Variants in VAV2 observed in about 807,000 individuals in gnomAD.
VAV2 encodes guanine nucleotide exchange factor VAV2.
VAV2 carries 67 observed loss-of-function variants against 132.5 expected under a neutral mutation model. That is an observed-to-expected ratio of 0.51 (90% CI 0.42 to 0.62). VAV2 has a LOEUF of 0.62. VAV2 is among the 20% of genes least tolerant of loss of function. The pLI, the probability that VAV2 is intolerant of heterozygous loss-of-function variation, is 0.00. For synonymous variants in VAV2, 492 were observed against 443.5 expected, an observed-to-expected ratio of 1.11 and a Z score of -1.37; for missense variants, 938 against 1,153.6, an observed-to-expected ratio of 0.81 and a Z score of 2.71.
At chr9:133,922,515 G>A (rs1840332886) in intron 2 of VAV2, among the ~76,000 whole-genome samples, 1 of 152,212 alleles carries the variant, frequency 6.6e-6, no homozygotes. Context: ...CAACCCGCAG[G>A]CTGTATATTA....
At chr9:133,837,302 G>C (rs1253830055) in intron 3 of VAV2, among the ~76,000 whole-genome samples, 2 of 152,186 alleles carry the variant, frequency 1.3e-5, no homozygotes, top group South Asian at 4.1e-4. Context: ...CTGATGCCTC[G>C]TTAGGGCCTA....
intron 1 of VAV2, among the ~76,000 whole-genome samples, chr9:133,983,012 A>C (rs1335182468): frequency 6.6e-6 from 1 of 152,168 alleles, no homozygotes; most frequent in East Asian, 1.9e-4. Context: ...ATCTGCCGCC[A>C]CCTGCTCTAG....
intron 2 of VAV2, among the ~76,000 whole-genome samples, chr9:133,911,310 G>T (rs551976194): frequency 1.3e-5 from 2 of 152,224 alleles, no homozygotes; most frequent in Admixed American, 1.3e-4. Context: ...GAAACGCCGT[G>T]TCTGTGCTGC....
intron 4 of VAV2, among the ~76,000 whole-genome samples, chr9:133,825,097 G>T (rs1176425084): frequency 6.6e-6 from 1 of 151,652 alleles, no homozygotes; most frequent in East Asian, 1.9e-4. Context: ...AGTCTTAAAG[G>T]GTCTGTTGTG....
At chr9:133,784,617 A>G (rs1834145888) in intron 17 of VAV2, among the ~76,000 whole-genome samples, 199 bp from the exon 18 acceptor site, 1 of 152,210 alleles carries the variant, frequency 6.6e-6, no homozygotes, top group African/African-American at 2.4e-5. Context: ...CAGGTCAGAG[A>G]AGAAGCTTTA....
At chr9:133,931,970 G>T (rs910556056) in intron 2 of VAV2, among the ~76,000 whole-genome samples, 6 of 152,162 alleles carry the variant, frequency 3.9e-5, no homozygotes, top group Admixed American at 1.3e-4. Flanking sequence ...CGCTGCCGGG[G>T]TGCCTTCCTT....
At chr9:133,972,951 T>C (rs1254643773) in intron 1 of VAV2, among the ~76,000 whole-genome samples, 1 of 152,108 alleles carries the variant, frequency 6.6e-6, no homozygotes. Context: ...AAGCTCCCCA[T>C]CACCACTTTG....
At chr9:133,946,446 C>T (rs1180392230) in intron 1 of VAV2, among the ~76,000 whole-genome samples, 1 of 152,260 alleles carries the variant, frequency 6.6e-6, no homozygotes, top group African/African-American at 2.4e-5. Context: ...TTTCAAGCCT[C>T]TGGGTCTTTC....
rs189828628 is a variant in VAV2 at position 133,872,417 on chromosome 9, G to A, written c.322-10985C>T. ...AGGCTAGAGGAAAAGGGCTGATGGC[G>A]TCCTCACTCCGCGCACCGTCTTTTC... On this transcript the variant is annotated intron_variant, in intron 2 of 29. Coordinates refer to ENST00000371850, the MANE Select transcript of VAV2 (RefSeq NM_001134398.2). Among the ~76,000 whole-genome samples the A allele has an allele frequency of 2.4e-3, 359 of 152,312 alleles. 1 individual carries two copies. Among genetic ancestry groups the A allele is most frequent in the Non-Finnish European group, 4.0e-3 (272 of 68,028 alleles).
intron 22 of VAV2, among the ~76,000 whole-genome samples, chr9:133,778,167 TGGGGATGAACGCCCACAAAGGTCCC>T (rs1260118588): frequency 6.6e-6 from 1 of 151,456 alleles, no homozygotes; most frequent in African/African-American, 2.4e-5. Flanking sequence ...CTGCTGAAGG[TGGGGATGAACGCCCACAAAGGTCCC>T]CGGGATGAAC....
intron 7 of VAV2, among the ~76,000 whole-genome samples, chr9:133,807,659 G>C (rs891226989): frequency 3.9e-5 from 6 of 152,216 alleles, no homozygotes; most frequent in Admixed American, 3.3e-4. Context: ...AGACCCAGGA[G>C]GCAGGGCCAT....
chr9:133,770,276 C>T (rs1232664484), intron 27 of VAV2, 102 bp downstream of exon 27: 2 of 1,550,114 alleles, frequency 1.3e-6, no homozygotes, highest in Non-Finnish European at 1.7e-6. Context: ...CAGGGTGGGA[C>T]TCCTGGTCTG....
chr9:133,778,900 T>C lies in VAV2; in HGVS notation c.1763-11A>G, dbSNP rs375908991. 27 of 1,611,312 alleles carry C rather than the reference T, an allele frequency of 1.7e-5. No individual in the cohort carries two copies. Among genetic ancestry groups the C allele is most frequent in the Middle Eastern group, 1.6e-4 (1 of 6,082 alleles). On this transcript the variant is annotated splice_polypyrimidine_tract_variant and intron_variant, in intron 21 of 29. Transcript: ENST00000371850. ...CCACCATCTTGGGACCTGCAAAGGATAGGACAGCTCACTCAGTGACTCAGC... is the reference window on the plus strand; with the variant it reads ...CCACCATCTTGGGACCTGCAAAGGACAGGACAGCTCACTCAGTGACTCAGC...
rs74595790 is a variant in VAV2, at chr9:133,790,740, T to G, written c.1188+1043A>C. On this transcript the variant is annotated intron_variant, in intron 13 of 29. Coordinates refer to ENST00000371850, the MANE Select transcript of VAV2 (RefSeq NM_001134398.2). ...TAATGCCCTTCAGAAGCTTATTTTT[T>G]TTTTCTTTCATCGCCGACGTATCGC... is the stretch of plus-strand genomic sequence containing the variant. Among the ~76,000 whole-genome samples the G allele has an allele frequency of 8.5e-4, 129 of 152,236 alleles. 3 individuals carry two copies. The East Asian group carries it at 0.023, about 27-fold the overall frequency.
At chr9:133,989,896 C>T (rs1336199289) in intron 1 of VAV2, among the ~76,000 whole-genome samples, 1 of 152,262 alleles carries the variant, frequency 6.6e-6, no homozygotes, top group African/African-American at 2.4e-5. Context: ...AGGTGGCCCA[C>T]CCTCCACGGG....
intron 1 of VAV2, among the ~76,000 whole-genome samples, chr9:133,987,759 GC>G (rs1205122225): frequency 6.6e-6 from 1 of 152,246 alleles, no homozygotes; most frequent in African/African-American, 2.4e-5. Context: ...AACCGAAGCT[GC>G]TCCAGACACA....
intron 2 of VAV2, among the ~76,000 whole-genome samples, chr9:133,905,414 T>C (rs1310381940): frequency 6.4e-5 from 8 of 124,788 alleles, no homozygotes; most frequent in Non-Finnish European, 1.1e-4. Flanking sequence ...CCAGCCTGGG[T>C]GACAGAGTGA....
Position 133,969,764 on chromosome 9 carries a change from T to C in VAV2, c.204+22311A>G, listed in dbSNP as rs975187311. Among the ~76,000 whole-genome samples the C allele has an allele frequency of 6.6e-6, 1 of 151,940 alleles. No homozygotes were observed. Among genetic ancestry groups the C allele is most frequent in the African/African-American group, 2.4e-5 (1 of 41,396 alleles). On this transcript the variant is annotated intron_variant, in intron 1 of 29. Coordinates refer to ENST00000371850, the MANE Select transcript of VAV2 (RefSeq NM_001134398.2). The surrounding 1 kb of genome is among the most constrained non-coding windows in gnomAD (Gnocchi z 5.1). The stretch of plus-strand genomic sequence containing the variant: ...CAGCGGGGCCGTCCATCTCTCTCCA[T>C]TCCCACTTCTCTCCCCACCCCCCAG...
chr9:133,887,364 G>C (rs562440051), intron 2 of VAV2, among the ~76,000 whole-genome samples: 53 of 152,264 alleles, frequency 3.5e-4, no homozygotes, highest in African/African-American at 1.2e-3. Flanking sequence ...GGGAGCGCAT[G>C]CCCCAGCAGA....
Sources: gnomAD v4.1 joint callset for allele counts (sites outside exome capture counted in the v4.1 genomes callset) on GRCh38, gnomAD v4.1.1 for gene constraint, Gnocchi (gnomAD v3.1) non-coding constraint, MANE v1.5 for transcripts, NCBI Gene and HGNC (gene_info 2026-07-23, HGNC 2026-07-21) for gene names.